Variants in ZNF385B observed in about 807,000 individuals in gnomAD.
The protein encoded by ZNF385B is zinc finger protein 385B.
In ZNF385B, 23 loss-of-function variants were observed where a neutral mutation model predicts 39.2. That is an observed-to-expected ratio of 0.59 (90% CI 0.42 to 0.83). The LOEUF is 0.83. Among genes scored for constraint, ZNF385B ranks in the 40% least tolerant of loss-of-function variants. The pLI, the probability that ZNF385B is intolerant of heterozygous loss-of-function variation, is 0.00. For synonymous variants in ZNF385B, 205 were observed against 222.6 expected, an observed-to-expected ratio of 0.92 and a Z score of 0.70; for missense variants, 552 against 598.9, an observed-to-expected ratio of 0.92 and a Z score of 0.82.
intron 6 of ZNF385B, among the ~76,000 whole-genome samples, chr2:179,465,892 T>C (rs1286443735): frequency 2.6e-5 from 4 of 152,198 alleles, no homozygotes; most frequent in African/African-American, 9.6e-5. Flanking sequence ...TGGAATCATG[T>C]CTTGATTTAC....
chr2:179,795,792 C>A (rs1283483566), intron 1 of ZNF385B, among the ~76,000 whole-genome samples: 1 of 152,070 alleles, frequency 6.6e-6, no homozygotes, highest in Admixed American at 6.6e-5. Context: ...ACATTAAATT[C>A]CTGTTAGAAG....
chr2:179,539,318 C>T lies in ZNF385B; in HGVS notation c.441+5509G>A, dbSNP rs183308528. On this transcript the variant is annotated intron_variant, in intron 4 of 9. Transcript: ENST00000410066. The stretch of plus-strand genomic sequence containing the variant: ...ATCATGAGGGCCCCACCCTCATGAC[C>T]TCAACTAACACTAATTACCTCCAAA... Among the ~76,000 whole-genome samples, 24 of 152,214 alleles carry T rather than the reference C, an allele frequency of 1.6e-4. No individual in the cohort carries two copies. In the East Asian group the frequency reaches 4.1e-3, roughly 26 times the overall value.
intron 3 of ZNF385B, among the ~76,000 whole-genome samples, chr2:179,634,973 CAAAA>C (rs66671134): frequency 0.067 from 7,783 of 115,514 alleles, 258 homozygotes; most frequent in Middle Eastern, 0.17. Flanking sequence ...ACTAAAAATA[CAAAA>C]AAAAAAAAAA....
At chr2:179,701,487 C>T (rs1398957975) in intron 3 of ZNF385B, among the ~76,000 whole-genome samples, 3 of 152,124 alleles carry the variant, frequency 2.0e-5, no homozygotes, top group African/African-American at 7.2e-5. Flanking sequence ...ATTTAATATA[C>T]AGTGTAAAGA....
At chr2:179,700,560 C>A (rs13427033) in intron 3 of ZNF385B, among the ~76,000 whole-genome samples, 2 of 151,890 alleles carry the variant, frequency 1.3e-5, no homozygotes, top group African/African-American at 4.8e-5. Context: ...TGGAGACACT[C>A]AGAGATGATG....
At chr2:179,551,437 T>C (rs1003263185) in intron 3 of ZNF385B, among the ~76,000 whole-genome samples, 1 of 152,084 alleles carries the variant, frequency 6.6e-6, no homozygotes, top group Admixed American at 6.6e-5. Flanking sequence ...AACGAAGGTG[T>C]GGGCCAAGCT....
intron 1 of ZNF385B, among the ~76,000 whole-genome samples, chr2:179,785,511 A>G (rs1464276958): frequency 1.3e-5 from 2 of 152,156 alleles, no homozygotes; most frequent in African/African-American, 2.4e-5. Flanking sequence ...CATTAAGAAC[A>G]TTTGTGATTC....
At chr2:179,616,600 C>T (rs1437314135) in intron 3 of ZNF385B, among the ~76,000 whole-genome samples, 1 of 152,142 alleles carries the variant, frequency 6.6e-6, no homozygotes, top group African/African-American at 2.4e-5. Flanking sequence ...CACTGTGTCA[C>T]CCAGGCTGGA....
intron 1 of ZNF385B, among the ~76,000 whole-genome samples, chr2:179,798,885 T>C (rs1474870314): frequency 6.6e-6 from 1 of 152,106 alleles, no homozygotes; most frequent in African/African-American, 2.4e-5. Flanking sequence ...TTCCAAATTT[T>C]ATCTACATAA....
At chr2:179,804,549 T>C (rs1706232395) in intron 1 of ZNF385B, among the ~76,000 whole-genome samples, 1 of 152,226 alleles carries the variant, frequency 6.6e-6, no homozygotes, top group Admixed American at 6.5e-5. Flanking sequence ...TTAACTCTGA[T>C]GCTTTCAAGG....
chr2:179,807,660 C>A (rs1397174431), intron 1 of ZNF385B, among the ~76,000 whole-genome samples: 1 of 151,702 alleles, frequency 6.6e-6, no homozygotes, highest in African/African-American at 2.4e-5. Context: ...CTTTAGGAGG[C>A]CAAGGTGGGC....
At position 179,442,158 on chromosome 2, in the gene ZNF385B, G is replaced by C. The variant is rs1224388386; in HGVS notation, c.*1092C>G. 1 of 152,604 alleles carries C rather than the reference G, an allele frequency of 6.6e-6. No individual in the cohort carries two copies. Among genetic ancestry groups the C allele is most frequent in the African/African-American group, 2.4e-5 (1 of 41,428 alleles). The allele number at this position is 152,604 out of a possible 1,614,324, so 9.5% of individuals were successfully genotyped here. A position where few individuals can be genotyped will look rare whatever the true frequency, so the allele number is the denominator to read the frequency against. The stretch of plus-strand genomic sequence containing the variant: ...AGTCTTGTTGATATCGGCTTAGAAA[G>C]GGGGGCATGGGAGCATGACCTGCAA... On this transcript the variant is annotated 3_prime_UTR_variant, in exon 10 of 10. Transcript: ENST00000410066.
At chr2:179,626,144 T>A (rs1690644972) in intron 3 of ZNF385B, among the ~76,000 whole-genome samples, 1 of 152,132 alleles carries the variant, frequency 6.6e-6, no homozygotes, top group Non-Finnish European at 1.5e-5. Context: ...ACCTGAAACA[T>A]AAGTTTCACA....
chr2:179,806,989 A>T (rs1706392173), intron 1 of ZNF385B, among the ~76,000 whole-genome samples: 1 of 152,204 alleles, frequency 6.6e-6, no homozygotes, highest in African/African-American at 2.4e-5. Flanking sequence ...GGGCTTATAA[A>T]TTGGTACAAA....
intron 3 of ZNF385B, among the ~76,000 whole-genome samples, chr2:179,651,027 T>A (rs541295449): frequency 6.6e-6 from 1 of 152,316 alleles, no homozygotes; most frequent in East Asian, 1.9e-4. Flanking sequence ...CCGCTGGTAT[T>A]ACTCGAAGAA....
At chr2:179,776,703 G>A (rs1327468800) in intron 1 of ZNF385B, among the ~76,000 whole-genome samples, 1 of 152,138 alleles carries the variant, frequency 6.6e-6, no homozygotes, top group East Asian at 1.9e-4. Context: ...AAGGAAGGCA[G>A]TGGTCCAAAG....
intron 3 of ZNF385B, among the ~76,000 whole-genome samples, chr2:179,577,810 A>AT (rs1264096398): frequency 6.6e-6 from 1 of 151,508 alleles, no homozygotes. Context: ...ACTAAAAAAA[A>AT]ATACTGATGA....
chr2:179,703,147 T>C (rs1477704135), intron 3 of ZNF385B, among the ~76,000 whole-genome samples: 2 of 152,268 alleles, frequency 1.3e-5, no homozygotes, highest in Non-Finnish European at 2.9e-5. Context: ...GCCATCTGGC[T>C]TGCTGTCTGC....
At chr2:179,688,325 G>T (rs371906921) in intron 3 of ZNF385B, among the ~76,000 whole-genome samples, 1 of 152,074 alleles carries the variant, frequency 6.6e-6, no homozygotes, top group African/African-American at 2.4e-5. Flanking sequence ...AGGAAAGTAA[G>T]TAAAAACCTT....
Sources: allele counts gnomAD v4.1 joint callset (sites outside exome capture counted in the v4.1 genomes callset), GRCh38; gene constraint gnomAD v4.1.1; transcripts MANE v1.5; gene names NCBI Gene and HGNC (gene_info 2026-07-23, HGNC 2026-07-21).